Variants in MAP2K6 observed in about 807,000 individuals in gnomAD.
The protein encoded by MAP2K6 is dual specificity mitogen-activated protein kinase kinase 6.
Under a neutral mutation model 53.7 loss-of-function variants are expected in MAP2K6, and 16 were observed. The observed-to-expected ratio is 0.30, with a 90% CI of 0.20 to 0.45. The LOEUF (loss-of-function observed/expected upper bound fraction) is 0.45. Ranked by LOEUF, MAP2K6 falls within the 20% of genes least tolerant of loss-of-function variation. MAP2K6 has a pLI of 1.00. For synonymous variants in MAP2K6, 132 were observed against 143.1 expected (o/e 0.92, Z 0.55); for missense variants, 204 against 411.9 (o/e 0.50, Z 4.37).
In MAP2K6 at chr17:69,542,020, T is replaced by C. The variant is rs1271694035; in HGVS notation, c.*267T>C. The C allele has an allele frequency of 5.0e-6, 1 of 199,952 alleles. No individual in the cohort carries two copies. The highest frequency in any genetic ancestry group is 1.0e-5 in the Non-Finnish European group (1 of 97,686). The allele number at this position is 199,952 out of a possible 1,614,324, so 12.4% of individuals were successfully genotyped here. A position where few individuals can be genotyped will look rare whatever the true frequency, so the allele number is the denominator to read the frequency against. ...AATATTTAATGATGTGTCATATGAG[T>C]CCTCAAGCTTCTCAGACTTCTCTTA... On this transcript the variant is annotated 3_prime_UTR_variant, in exon 12 of 12. Coordinates refer to ENST00000590474, the MANE Select transcript of MAP2K6 (RefSeq NM_002758.4).
At chr17:69,536,620 T>C (rs1179791057) in intron 11 of MAP2K6, among the ~76,000 whole-genome samples, 2 of 152,210 alleles carry the variant, frequency 1.3e-5, no homozygotes, top group Non-Finnish European at 2.9e-5. Flanking sequence ...AAATTTTGCT[T>C]TTTGTTTTCA....
chr17:69,505,726 T>A, intron 1 of MAP2K6, 54 bp from the exon 2 acceptor site: 1 of 1,412,990 alleles, frequency 7.1e-7, no homozygotes, highest in Non-Finnish European at 1.0e-6. Context: ...TCTCTTTCTC[T>A]GCTATCTTGC....
rs1159376383 is a variant in MAP2K6, at chr17:69,523,532, T to A, written c.554T>A (p.Val185Glu). The A allele has an allele frequency of 1.2e-6, 2 of 1,614,112 alleles. No individual in the cohort carries two copies. The highest frequency in any genetic ancestry group is 1.7e-6 in the Non-Finnish European group (2 of 1,179,954). The change falls in exon 8 of 12, where the codon GTA (valine) becomes GAA (glutamate). Residue 185 changes from valine (V) to glutamate (E), a missense_variant. This residue lies in a region of MAP2K6 where 129 missense variants were observed against 247.1 expected (regional missense o/e 0.52). Transcript: ENST00000590474. The stretch of plus-strand genomic sequence containing the variant: ...CTTTCAGACGTCAAGCCTTCTAATG[T>A]ACTCATCAATGCTCTCGGTCAAGTG... Reference protein sequence around the residue: ...VIHRDVKPSNVLINALGQVKM... With the variant: ...VIHRDVKPSNELINALGQVKM...
chr17:69,505,758 T>G, intron 1 of MAP2K6, 22 bp from the exon 2 acceptor site: 2 of 1,606,486 alleles, frequency 1.2e-6, no homozygotes, highest in Non-Finnish European at 1.7e-6. Flanking sequence ...CCTTAACTTT[T>G]TCCTTTTGTC....
At chr17:69,455,851 GTTT>G (rs11317793) in intron 1 of MAP2K6, among the ~76,000 whole-genome samples, 53 of 95,366 alleles carry the variant, frequency 5.6e-4, no homozygotes, top group African/African-American at 2.2e-3. Flanking sequence ...TGGACTTTCA[GTTT>G]TTTTTTTTTT....
intron 1 of MAP2K6, among the ~76,000 whole-genome samples, chr17:69,464,701 T>C (rs1437926185): frequency 6.6e-6 from 1 of 151,888 alleles, no homozygotes; most frequent in Non-Finnish European, 1.5e-5. Context: ...TGTCCTTTTA[T>C]CTTTGATAGA....
chr17:69,535,773 A>G (rs996236384), intron 10 of MAP2K6, among the ~76,000 whole-genome samples: 1 of 152,194 alleles, frequency 6.6e-6, no homozygotes, highest in East Asian at 1.9e-4. Flanking sequence ...TTGTCTGTGG[A>G]AATGGCATTA....
intron 1 of MAP2K6, among the ~76,000 whole-genome samples, chr17:69,466,255 A>G (rs1207393757): frequency 6.7e-6 from 1 of 149,332 alleles, no homozygotes; most frequent in Non-Finnish European, 1.5e-5. Flanking sequence ...GCAAGCCACT[A>G]CTCCAGCCTG....
intron 1 of MAP2K6, among the ~76,000 whole-genome samples, chr17:69,458,493 G>A (rs1301281456): frequency 1.3e-5 from 2 of 152,088 alleles, no homozygotes; most frequent in African/African-American, 4.8e-5. Context: ...CACATTCCAG[G>A]GCAAATTTTA....
chr17:69,464,533 C>T (rs910619915), intron 1 of MAP2K6, among the ~76,000 whole-genome samples: 2 of 151,964 alleles, frequency 1.3e-5, no homozygotes, highest in South Asian at 2.1e-4. Context: ...AGGCGTGCGC[C>T]GCCACGCCTG....
At chr17:69,502,538 A>AT (rs934888252) in intron 1 of MAP2K6, 89 of 976,430 alleles carry the variant, frequency 9.1e-5, no homozygotes, top group Non-Finnish European at 1.0e-4. Context: ...TCCTGGATCT[A>AT]TTTTTTTTTC....
chr17:69,527,073 A>G (rs1910813737), intron 10 of MAP2K6, among the ~76,000 whole-genome samples: 1 of 152,216 alleles, frequency 6.6e-6, no homozygotes, highest in Non-Finnish European at 1.5e-5. Flanking sequence ...GGGAAATAGG[A>G]AAGGAAACAT....
At chr17:69,539,423 A>G (rs924234782) in intron 11 of MAP2K6, among the ~76,000 whole-genome samples, 1 of 152,066 alleles carries the variant, frequency 6.6e-6, no homozygotes, top group African/African-American at 2.4e-5. Flanking sequence ...GCCCTTGCTA[A>G]TCTTAATCCA....
chr17:69,517,669 C>T (rs1429478776), intron 4 of MAP2K6, 56 bp downstream of exon 4: 1 of 1,213,776 alleles, frequency 8.2e-7, no homozygotes, highest in Non-Finnish European at 1.1e-6. Context: ...ATTTGTCCAC[C>T]TCAATTGTCA....
At chr17:69,505,680 G>C in intron 1 of MAP2K6, 100 bp from the exon 2 acceptor site, 3 of 912,746 alleles carry the variant, frequency 3.3e-6, no homozygotes, top group Non-Finnish European at 5.5e-6. Flanking sequence ...AGACATGAGA[G>C]CTGCCTGTGC....
At chr17:69,465,311 A>T (rs143484890) in intron 1 of MAP2K6, among the ~76,000 whole-genome samples, 1 of 152,038 alleles carries the variant, frequency 6.6e-6, no homozygotes, top group Non-Finnish European at 1.5e-5. Flanking sequence ...CTATAAATCT[A>T]TAAGTTACAG....
At chr17:69,498,313 A>T (rs2145210729) in intron 1 of MAP2K6, among the ~76,000 whole-genome samples, 1 of 152,224 alleles carries the variant, frequency 6.6e-6, no homozygotes, top group Non-Finnish European at 1.5e-5. Context: ...ACAAACACAA[A>T]ACAACTTTAC....
At chr17:69,536,911 C>T (rs548203344) in intron 11 of MAP2K6, among the ~76,000 whole-genome samples, 8 of 151,448 alleles carry the variant, frequency 5.3e-5, no homozygotes, top group Non-Finnish European at 1.0e-4. Flanking sequence ...CGAAACCCCA[C>T]CTCTACAAAA....
chr17:69,486,900 G>A (rs1224524156), intron 1 of MAP2K6, among the ~76,000 whole-genome samples: 1 of 152,198 alleles, frequency 6.6e-6, no homozygotes, highest in Non-Finnish European at 1.5e-5. Context: ...AAATCAGCTA[G>A]TCGATTGCCC....
Sources: gnomAD v4.1 joint callset for allele counts (sites outside exome capture counted in the v4.1 genomes callset) on GRCh38, gnomAD v4.1.1 for gene constraint, gnomAD v4.1.1 regional missense constraint, MANE v1.5 for transcripts, NCBI Gene and HGNC (gene_info 2026-07-23, HGNC 2026-07-21) for gene names.